Variants in LETMD1 observed in about 807,000 individuals in gnomAD.
LETMD1 encodes LETM1 domain-containing protein 1.
Under a neutral mutation model 43.9 loss-of-function variants are expected in LETMD1, and 30 were observed. The ratio of observed to expected loss-of-function variants is 0.68; its 90% CI spans 0.51 to 0.93. The LOEUF (loss-of-function observed/expected upper bound fraction) is 0.93, where lower values mean the gene tolerates loss of function less well. Ranked by LOEUF, LETMD1 falls within the 40% of genes least tolerant of loss-of-function variation. LETMD1 has a pLI of 0.00. For synonymous variants in LETMD1, 176 were observed against 163.1 expected (o/e 1.08, Z -0.60); for missense variants, 413 against 447.7 (o/e 0.92, Z 0.70).
the LETMD1 span, among the ~76,000 whole-genome samples, chr12:51,066,327 C>T: frequency 0.022 from 3,282 of 151,980 alleles, 44 homozygotes; most frequent in Non-Finnish European, 0.033. Context: ...GTGGTGTGTG[C>T]CTATAGTCCC....
Position 51,048,333 on chromosome 12 carries a change from T to C in LETMD1, c.-24T>C, listed in dbSNP as rs1210113339. The C allele has an allele frequency of 1.2e-6, 2 of 1,613,782 alleles. No individual in the cohort carries two copies. The highest frequency in any genetic ancestry group is 1.7e-6 in the Non-Finnish European group (2 of 1,179,922). On this transcript the variant is annotated 5_prime_UTR_variant, in exon 1 of 9. Transcript: ENST00000262055. Reference sequence around the variant, plus strand: ...ACTTTGACCCAAAGACAACCTCTTCTCTCCCGCTTCTCTCGCTGTGAAGAT... The same window carrying C: ...ACTTTGACCCAAAGACAACCTCTTCCCTCCCGCTTCTCTCGCTGTGAAGAT...
chr12:51,066,787 AC>A, the LETMD1 span, among the ~76,000 whole-genome samples: 1 of 152,170 alleles, frequency 6.6e-6, no homozygotes, highest in Non-Finnish European at 1.5e-5. Flanking sequence ...GAGGTACTGA[AC>A]AATAAGTGTT....
Position 51,058,051 on chromosome 12 carries a change from T to C in LETMD1, c.935T>C (p.Leu312Pro), listed in dbSNP as rs982153741. 5 of 1,612,878 alleles carry C rather than the reference T, an allele frequency of 3.1e-6. No homozygotes were observed. The highest frequency in any genetic ancestry group is 3.4e-6 in the Non-Finnish European group (4 of 1,178,820). Residue 312 changes from leucine (L) to proline (P), a missense_variant, in exon 8 of 9, where the codon CTG (leucine) becomes CCG (proline). Transcript: ENST00000262055. ...GTATAGGCTTGTTATCTCCGTGGCC[T>C]GAATTCTACGCATATTGGTGAAGAT... is the stretch of plus-strand genomic sequence containing the variant. ...EVKSACYLRG[L>P]NSTHIGEDRC...
At position 51,056,243 on chromosome 12, in the gene LETMD1, G is replaced by T; in HGVS notation, c.760G>T (p.Val254Leu). 1.2e-6 allele frequency: 2 copies of T among 1,614,176 alleles called. No homozygotes were observed. Among genetic ancestry groups the T allele is most frequent in the South Asian group, 1.1e-5 (1 of 91,080 alleles). ...LGMNQLQALH[V>L]KALSRAMLLT... ...CATGAACCAACTCCAGGCTTTGCAC[G>T]TGGTGAGCACTTTGAGGGCTTCTCT... is the stretch of plus-strand genomic sequence containing the variant. The change falls in exon 6 of 9, where the codon GTG (valine) becomes TTG (leucine). Residue 254 changes from valine (V) to leucine (L), a missense_variant and splice_region_variant. Val to Leu is a conservative substitution (Grantham distance 32, BLOSUM62 1). Coordinates refer to ENST00000262055, the MANE Select transcript of LETMD1 (RefSeq NM_015416.5).
chr12:51,063,703 G>A (rs761401053), downstream of LETMD1: 9 of 1,414,344 alleles, frequency 6.4e-6, no homozygotes, highest in Non-Finnish European at 7.6e-6. Context: ...TAAAATAAGG[G>A]AATAAATAGA....
chr12:51,061,510 A>C (rs1017753125), downstream of LETMD1: 1 of 152,662 alleles, frequency 6.6e-6, no homozygotes, highest in African/African-American at 2.4e-5. Flanking sequence ...TAGCACCAGA[A>C]GTGAGATGGA....
intron 4 of LETMD1, 98 bp downstream of exon 4, chr12:51,053,958 G>A (rs993444303): frequency 1.5e-5 from 12 of 815,600 alleles, no homozygotes; most frequent in South Asian, 3.4e-5. Context: ...AAGATAGGCA[G>A]AGGTTATCAA....
At chr12:51,056,524 C>T (rs1947781470) in intron 7 of LETMD1, 22 bp downstream of exon 7, 6 of 1,613,702 alleles carry the variant, frequency 3.7e-6, no homozygotes, top group Admixed American at 1.7e-5. Flanking sequence ...ATTGCAACAT[C>T]AACCCTCAAC....
the LETMD1 span, chr12:51,067,856 C>T: frequency 1.2e-6 from 2 of 1,614,222 alleles, no homozygotes; most frequent in Non-Finnish European, 1.7e-6. This position sits in a 1 kb window ranked among gnomAD's most constrained non-coding sequence, Gnocchi z 4.1. Context: ...GCAGAGGCTG[C>T]AGGAAGAAGT....
Position 51,053,797 on chromosome 12 carries a change from A to G in LETMD1, c.410A>G (p.Lys137Arg), listed in dbSNP as rs1946850950. Residue 137 changes from lysine (K) to arginine (R), a missense_variant, in exon 4 of 9, where the codon AAG becomes AGG. Coordinates refer to ENST00000262055, the MANE Select transcript of LETMD1 (RefSeq NM_015416.5). ...GCTTAGTTCCGCCAAGACGTCACCA[A>G]GTGTCTTTTCCTAGGTATTATTTCC... ...HLRQFRQDVT[K>R]CLFLGIISIP... The G allele has an allele frequency of 1.2e-6, 2 of 1,613,186 alleles. No homozygotes were observed. The highest frequency in any genetic ancestry group is 8.5e-7 in the Non-Finnish European group (1 of 1,179,622).
intron 6 of LETMD1, 30 bp downstream of exon 6, chr12:51,056,275 T>C (rs1314789034): frequency 6.2e-7 from 1 of 1,613,394 alleles, no homozygotes; most frequent in Non-Finnish European, 8.5e-7. Flanking sequence ...CTCTTTTCCA[T>C]AGCATCACCA....
intron 2 of LETMD1, among the ~76,000 whole-genome samples, chr12:51,050,292 G>C (rs187156391): frequency 1.3e-5 from 2 of 150,042 alleles, no homozygotes; most frequent in Non-Finnish European, 3.0e-5. Flanking sequence ...GCATGATCTC[G>C]GTTCACTGCA....
chr12:51,062,350 A>C (rs1168126935), downstream of LETMD1: 1 of 152,232 alleles, frequency 6.6e-6, no homozygotes, highest in Non-Finnish European at 1.5e-5. Context: ...TGAGAAGAAT[A>C]GTTTTGCTCC....
chr12:51,054,768 A>G (rs1044954187), intron 4 of LETMD1, among the ~76,000 whole-genome samples: 3 of 152,234 alleles, frequency 2.0e-5, no homozygotes, highest in African/African-American at 4.8e-5. Flanking sequence ...ATTTGAGGTC[A>G]TGTTTTAAAA....
At chr12:51,058,681 C>G (rs1356369534) in intron 8 of LETMD1, 1 of 159,224 alleles carries the variant, frequency 6.3e-6, no homozygotes, top group Non-Finnish European at 1.4e-5. Flanking sequence ...CTCGGCCTCC[C>G]AAAGTTTTGG....
At chr12:51,060,477 C>G (rs1351849187), downstream of LETMD1, 1 of 152,206 alleles carries the variant, frequency 6.6e-6, no homozygotes, top group Non-Finnish European at 1.5e-5. Flanking sequence ...CTGACATAAT[C>G]TAACAAATGG....
chr12:51,060,923 G>C (rs908647110), downstream of LETMD1, among the ~76,000 whole-genome samples: 8 of 129,254 alleles, frequency 6.2e-5, no homozygotes, highest in Non-Finnish European at 4.9e-5. Flanking sequence ...AAAAAAAAAA[G>C]TTAATGGAAT....
chr12:51,052,739 CCA>C (rs1946527032), intron 3 of LETMD1, among the ~76,000 whole-genome samples: 6 of 151,360 alleles, frequency 4.0e-5, no homozygotes, highest in Admixed American at 4.0e-4. Context: ...CAAAATCATG[CCA>C]TTGCACTCCA....
At chr12:51,067,562 C>T in the LETMD1 span, 6 of 1,054,802 alleles carry the variant, frequency 5.7e-6, no homozygotes, top group Admixed American at 4.4e-5. This position sits in a 1 kb window ranked among gnomAD's most constrained non-coding sequence, Gnocchi z 4.1. Flanking sequence ...GGAGAGTGTT[C>T]ACAACCATAG....
Sources: gnomAD v4.1 joint callset for allele counts (sites outside exome capture counted in the v4.1 genomes callset) on GRCh38, gnomAD v4.1.1 for gene constraint, Gnocchi (gnomAD v3.1) non-coding constraint, MANE v1.5 for transcripts, NCBI Gene and HGNC (gene_info 2026-07-23, HGNC 2026-07-21) for gene names.